SOX5: variants seen among roughly 807,000 people sequenced by gnomAD.
SOX5 encodes the protein transcription factor SOX-5.
In SOX5, 9 loss-of-function variants were observed where a neutral mutation model predicts 92.0. The ratio of observed to expected loss-of-function variants is 0.10; its 90% CI spans 0.06 to 0.17. SOX5 has a LOEUF of 0.17. Among genes scored for constraint, SOX5 ranks in the 10% least tolerant of loss-of-function variants. The pLI is 1.00. For missense variants in SOX5, 642 were observed against 944.5 expected (o/e 0.68, Z 4.20); for synonymous variants, 344 against 336.3 (o/e 1.02, Z -0.25).
intron 2 of SOX5, among the ~76,000 whole-genome samples, chr12:23,894,425 A>T (rs1384021237): frequency 6.6e-6 from 1 of 152,046 alleles, no homozygotes; most frequent in African/African-American, 2.4e-5. Flanking sequence ...ATGGGGTTTC[A>T]CTATGTTGGC....
At chr12:24,079,953 A>G (rs540797649) in intron 4 of SOX5, among the ~76,000 whole-genome samples, 122 of 152,072 alleles carry the variant, frequency 8.0e-4, no homozygotes, top group African/African-American at 2.7e-3. Flanking sequence ...AGGAGAACTA[A>G]AAGTAATTAG....
At position 23,571,657 on chromosome 12, in the gene SOX5, T is replaced by C. The variant is rs538753449; in HGVS notation, c.1342+4004A>G. Reference sequence around the variant, plus strand: ...CATGGTTATAAGGCTCCAAAATCCATTGGCTCTAAGTCTGGATAAGTTACT... The same window carrying C: ...CATGGTTATAAGGCTCCAAAATCCACTGGCTCTAAGTCTGGATAAGTTACT... On this transcript the variant is annotated intron_variant, in intron 10 of 14. Coordinates refer to ENST00000451604, the MANE Select transcript of SOX5 (RefSeq NM_006940.6). Among the ~76,000 whole-genome samples, 4 of 152,318 alleles carry C rather than the reference T, an allele frequency of 2.6e-5. No homozygotes were observed. The East Asian group carries it at 7.7e-4, about 29-fold the overall frequency.
At chr12:24,357,140 A>T (rs1942247946) in intron 2 of SOX5, among the ~76,000 whole-genome samples, 2 of 152,202 alleles carry the variant, frequency 1.3e-5, no homozygotes, top group Admixed American at 1.3e-4. Flanking sequence ...ACATTTTGAG[A>T]GACTAATAGA....
At chr12:23,641,715 G>C (rs181169622) in intron 7 of SOX5, among the ~76,000 whole-genome samples, 7 of 152,208 alleles carry the variant, frequency 4.6e-5, no homozygotes, top group Admixed American at 2.0e-4. Context: ...CTGTTGCATA[G>C]GGCCCAATAA....
At chr12:24,007,872 G>A (rs1592279832) in intron 4 of SOX5, among the ~76,000 whole-genome samples, 1 of 149,872 alleles carries the variant, frequency 6.7e-6, no homozygotes, top group South Asian at 2.1e-4. Flanking sequence ...AGATTTAGGG[G>A]TTACTTAAGT....
chr12:24,541,404 T>C (rs1319529231), intron 1 of SOX5, among the ~76,000 whole-genome samples: 2 of 152,236 alleles, frequency 1.3e-5, no homozygotes, highest in African/African-American at 2.4e-5. Context: ...TCTAAGGTTT[T>C]ATTTCTTATT....
intron 4 of SOX5, among the ~76,000 whole-genome samples, chr12:24,053,589 AT>A (rs1489171007): frequency 2.0e-5 from 3 of 152,186 alleles, no homozygotes; most frequent in African/African-American, 7.2e-5. Context: ...ATAAATAGTG[AT>A]TTTATCTACT....
chr12:24,007,769 G>A lies in SOX5; in HGVS notation c.-1-111745C>T, dbSNP rs1376734604. Among the ~76,000 whole-genome samples the A allele has an allele frequency of 5.3e-5, 5 of 94,060 alleles. 1 individual carries two copies. The highest frequency in any genetic ancestry group is 6.0e-5 in the Non-Finnish European group (3 of 49,622). The allele number at this position is 94,060 out of a possible 152,430, so 61.7% of individuals were successfully genotyped here. Reference sequence around the variant, plus strand: ...TTTATGTATATAAATGTATATAAATGTATTTATATATACACATACGCACGC... The same window carrying A: ...TTTATGTATATAAATGTATATAAATATATTTATATATACACATACGCACGC... On this transcript the variant is annotated intron_variant, in intron 4 of 4. Transcript: ENST00000446891.
chr12:24,345,752 T>C (rs1208117355), intron 2 of SOX5, among the ~76,000 whole-genome samples: 1 of 152,200 alleles, frequency 6.6e-6, no homozygotes, highest in African/African-American at 2.4e-5. Flanking sequence ...TTCTTTTTAG[T>C]AGTTAAAATT....
chr12:23,695,605 T>C (rs1245677245), intron 6 of SOX5, among the ~76,000 whole-genome samples: 1 of 151,892 alleles, frequency 6.6e-6, no homozygotes, highest in Non-Finnish European at 1.5e-5. Flanking sequence ...TCTAGTCAAT[T>C]AGCTATACTT....
At chr12:23,673,725 A>AG (rs1272559915) in intron 6 of SOX5, among the ~76,000 whole-genome samples, 2 of 136,152 alleles carry the variant, frequency 1.5e-5, no homozygotes, top group Non-Finnish European at 3.2e-5. Context: ...GTTCAACATA[A>AG]GTTCTTTGAA....
rs562135024 is a variant in SOX5 at position 23,614,892 on chromosome 12, C to A, written c.1018-10359G>T. Among the ~76,000 whole-genome samples the A allele has an allele frequency of 2.6e-5, 4 of 152,332 alleles. No homozygotes were observed. In the East Asian group the frequency reaches 7.7e-4, roughly 29 times the overall value. On this transcript the variant is annotated intron_variant, in intron 8 of 14. Transcript: ENST00000451604. ...TCTTGGCTCACTGCAACCTCCGCCT[C>A]CCAGGTTAAAGCAATTCTACTGTCT...
intron 1 of SOX5, among the ~76,000 whole-genome samples, chr12:24,461,691 T>TA (rs2033992269): frequency 6.6e-6 from 1 of 152,200 alleles, no homozygotes; most frequent in South Asian, 2.1e-4. Context: ...ATAATAGTAA[T>TA]AAAACCTAAC....
intron 1 of SOX5, among the ~76,000 whole-genome samples, chr12:24,512,964 A>G (rs757179261): frequency 5.3e-5 from 8 of 152,232 alleles, no homozygotes; most frequent in Non-Finnish European, 1.0e-4. Context: ...CCAATTTATG[A>G]TGGTGCAAAG....
chr12:23,963,577 G>A (rs939130070), intron 4 of SOX5, among the ~76,000 whole-genome samples: 3 of 152,024 alleles, frequency 2.0e-5, no homozygotes, highest in Admixed American at 6.6e-5. Context: ...TGACTTTAGA[G>A]AGCATTCAGG....
At chr12:23,674,883 T>C (rs2085411062) in intron 6 of SOX5, among the ~76,000 whole-genome samples, 1 of 152,030 alleles carries the variant, frequency 6.6e-6, no homozygotes, top group Non-Finnish European at 1.5e-5. Context: ...AGAGATGCAA[T>C]AGAACGACAT....
At chr12:24,095,128 C>CAGAGAGAG (rs764681203) in intron 4 of SOX5, among the ~76,000 whole-genome samples, 24 of 90,230 alleles carry the variant, frequency 2.7e-4, no homozygotes, top group Non-Finnish European at 4.1e-4. Context: ...CACACACACA[C>CAGAGAGAG]AGAGAGAGAG....
chr12:24,527,776 G>A (rs1344251870), intron 1 of SOX5, among the ~76,000 whole-genome samples: 1 of 152,152 alleles, frequency 6.6e-6, no homozygotes, highest in Non-Finnish European at 1.5e-5. Context: ...TATAAACATA[G>A]CACTAGCTAG....
chr12:23,916,094 A>G (rs1202162930), intron 1 of SOX5, among the ~76,000 whole-genome samples: 2 of 152,328 alleles, frequency 1.3e-5, no homozygotes, highest in South Asian at 2.1e-4. Context: ...AATAAGAATG[A>G]AAAAAGAAAA....
Sources: allele counts gnomAD v4.1 joint callset (sites outside exome capture counted in the v4.1 genomes callset), GRCh38; gene constraint gnomAD v4.1.1; transcripts MANE v1.5; gene names NCBI Gene and HGNC (gene_info 2026-07-23, HGNC 2026-07-21).